Variants in APBB1IP observed in about 807,000 individuals in gnomAD.
The protein encoded by APBB1IP is amyloid beta precursor protein binding family B member 1 interacting protein, also known as amyloid beta A4 precursor protein-binding family B member 1-interacting protein.
A neutral mutation model predicts 64.9 loss-of-function variants in APBB1IP; 27 were observed. That is an observed-to-expected ratio of 0.42 (90% CI 0.31 to 0.57). The LOEUF is 0.57. APBB1IP is among the 20% of genes least tolerant of loss of function. The pLI is 0.20. For missense variants in APBB1IP, 812 were observed against 845.5 expected, an observed-to-expected ratio of 0.96 and a Z score of 0.49; for synonymous variants, 392 against 331.0, an observed-to-expected ratio of 1.18 and a Z score of -2.00.
In APBB1IP at chr10:26,567,344, G is replaced by C; in HGVS notation, c.1857G>C (p.Pro619=). Residue 619 remains proline, a synonymous_variant, in exon 15 of 15, where the codon CCG becomes CCC. Coordinates refer to ENST00000376236, the MANE Select transcript of APBB1IP (RefSeq NM_019043.4). ...APAPVPDSAR[P]PPAVAKRPPV... ...CCCCCGTCCCCGACTCCGCCAGGCC[G>C]CCCCCCGCGGTGGCCAAGAGGCCTC... is the stretch of plus-strand genomic sequence containing the variant. 3.5e-6 allele frequency: 5 copies of C among 1,418,066 alleles called. No individual in the cohort carries two copies. The highest frequency in any genetic ancestry group is 4.7e-6 in the Non-Finnish European group (5 of 1,071,320). 87.8% of individuals were successfully genotyped at this position (1,418,066 alleles called of 1,614,324 possible). A position where few individuals can be genotyped will look rare whatever the true frequency, so the allele number is the denominator to read the frequency against.
intron 2 of APBB1IP, among the ~76,000 whole-genome samples, chr10:26,465,005 A>G (rs991757989): frequency 6.6e-6 from 1 of 152,056 alleles, no homozygotes; most frequent in Non-Finnish European, 1.5e-5. Flanking sequence ...CCAACAGAGA[A>G]CTCTGGGGCA....
intron 6 of APBB1IP, among the ~76,000 whole-genome samples, chr10:26,507,042 G>A (rs1588592909): frequency 6.6e-6 from 1 of 152,270 alleles, no homozygotes; most frequent in Admixed American, 6.5e-5. Flanking sequence ...TCAGCTCGGG[G>A]AGGTGGGGAA....
At chr10:26,553,930 AC>A (rs1251576530) in intron 11 of APBB1IP, among the ~76,000 whole-genome samples, 1 of 151,858 alleles carries the variant, frequency 6.6e-6, no homozygotes, top group East Asian at 1.9e-4. Context: ...TTCCCTACAC[AC>A]TGTAATGCTC....
chr10:26,485,266 G>A (rs927827264), intron 2 of APBB1IP, among the ~76,000 whole-genome samples: 7 of 152,132 alleles, frequency 4.6e-5, no homozygotes, highest in Admixed American at 2.6e-4. Flanking sequence ...GATAGTTCTC[G>A]GAACCATGTT....
intron 2 of APBB1IP, among the ~76,000 whole-genome samples, chr10:26,459,275 T>A (rs4311956): frequency 0.37 from 55,685 of 151,354 alleles, 10,274 homozygotes; most frequent in South Asian, 0.5. Context: ...GAACTCATCA[T>A]TTTTTATGGC....
chr10:26,467,144 G>A (rs1164085064), intron 2 of APBB1IP, among the ~76,000 whole-genome samples: 4 of 151,932 alleles, frequency 2.6e-5, no homozygotes, highest in Non-Finnish European at 5.9e-5. Flanking sequence ...GGCCTCAAGC[G>A]ATCCACCTGC....
intron 6 of APBB1IP, among the ~76,000 whole-genome samples, chr10:26,505,813 C>T (rs1836168169): frequency 1.3e-5 from 2 of 151,942 alleles, no homozygotes; most frequent in African/African-American, 2.4e-5. Context: ...CTGCCGAGGG[C>T]CAGACTCTTC....
chr10:26,506,702 A>G (rs1836184035), intron 6 of APBB1IP, among the ~76,000 whole-genome samples: 3 of 151,914 alleles, frequency 2.0e-5, no homozygotes, highest in Non-Finnish European at 4.4e-5. Flanking sequence ...GATCTCCCCC[A>G]GGGATCTTTG....
intron 2 of APBB1IP, among the ~76,000 whole-genome samples, chr10:26,463,185 C>G (rs1835612529): frequency 6.6e-6 from 1 of 152,200 alleles, no homozygotes; most frequent in Non-Finnish European, 1.5e-5. Flanking sequence ...CACCTGAAAT[C>G]TCAGCCTTTT....
rs1253017338 is a variant in APBB1IP, at chr10:26,566,953, G to A, written c.1474-8G>A. ...AAAAAAATGAATGCTACTGCCACTC[G>A]GTTGCAGGATAAGAAGCCAGCCCTC... On this transcript the variant is annotated splice_region_variant and splice_polypyrimidine_tract_variant and intron_variant, in intron 14 of 14. Coordinates refer to ENST00000376236, the MANE Select transcript of APBB1IP (RefSeq NM_019043.4). 2 of 1,566,654 alleles carry A rather than the reference G, an allele frequency of 1.3e-6. No individual in the cohort carries two copies. Among genetic ancestry groups the A allele is most frequent in the East Asian group, 2.4e-5 (1 of 42,052 alleles).
chr10:26,527,327 A>C (rs1251921453), intron 8 of APBB1IP, among the ~76,000 whole-genome samples: 1 of 152,136 alleles, frequency 6.6e-6, no homozygotes, highest in Non-Finnish European at 1.5e-5. Context: ...CAGGAGGATC[A>C]CTTGAAATCT....
At chr10:26,454,678 A>G (rs1835502959) in intron 2 of APBB1IP, among the ~76,000 whole-genome samples, 1 of 152,198 alleles carries the variant, frequency 6.6e-6, no homozygotes, top group Non-Finnish European at 1.5e-5. Context: ...ACTATAGTCA[A>G]TAATAATTTA....
chr10:26,456,996 A>G (rs1835534014), intron 2 of APBB1IP, among the ~76,000 whole-genome samples: 1 of 152,134 alleles, frequency 6.6e-6, no homozygotes, highest in Non-Finnish European at 1.5e-5. Context: ...GATGCTTCTG[A>G]GAAGATTGGC....
At chr10:26,445,584 T>G (rs906449927) in intron 2 of APBB1IP, among the ~76,000 whole-genome samples, 1 of 152,206 alleles carries the variant, frequency 6.6e-6, no homozygotes, top group Non-Finnish European at 1.5e-5. Context: ...GATGTAGACT[T>G]TATGCAATAC....
chr10:26,540,719 C>T (rs1836686474), intron 10 of APBB1IP, among the ~76,000 whole-genome samples: 1 of 152,142 alleles, frequency 6.6e-6, no homozygotes, highest in Non-Finnish European at 1.5e-5. Context: ...TAATGGAACA[C>T]ATTTGTAATT....
In APBB1IP at chr10:26,511,857, C is replaced by T. The variant is rs756220181; in HGVS notation, c.642C>T (p.Asp214=). Residue 214 remains aspartate, a synonymous_variant, in exon 7 of 15, where the codon GAC becomes GAT. Coordinates refer to ENST00000376236, the MANE Select transcript of APBB1IP (RefSeq NM_019043.4). ...LDNLFEKTHC[D]CNVDWCLYEI... is the part of the protein sequence containing the mutation. ...ACCTTTTCGAGAAAACTCATTGTGA[C>T]TGCAATGTAGACTGGTGTCTTTATG... 1.9e-6 allele frequency: 3 copies of T among 1,614,218 alleles called. No individual in the cohort carries two copies. The highest frequency in any genetic ancestry group is 1.1e-5 in the South Asian group (1 of 91,082).
At chr10:26,491,914 A>G (rs1835959965) in intron 2 of APBB1IP, among the ~76,000 whole-genome samples, 2 of 152,060 alleles carry the variant, frequency 1.3e-5, no homozygotes, top group South Asian at 4.1e-4. Flanking sequence ...GGCACGTGCC[A>G]CCACACCCAG....
At chr10:26,555,848 C>T (rs1836888389) in intron 11 of APBB1IP, among the ~76,000 whole-genome samples, 2 of 152,206 alleles carry the variant, frequency 1.3e-5, no homozygotes, top group African/African-American at 4.8e-5. Flanking sequence ...ATCTGCCTGT[C>T]TTGGCCTCTC....
intron 2 of APBB1IP, among the ~76,000 whole-genome samples, chr10:26,473,605 T>C (rs1274614997): frequency 6.6e-6 from 1 of 152,224 alleles, no homozygotes; most frequent in Non-Finnish European, 1.5e-5. Context: ...TGCGCATAAA[T>C]GGTTGAGGAA....
Sources: allele counts gnomAD v4.1 joint callset (sites outside exome capture counted in the v4.1 genomes callset), GRCh38; gene constraint gnomAD v4.1.1; transcripts MANE v1.5; gene names NCBI Gene and HGNC (gene_info 2026-07-23, HGNC 2026-07-21).